CNTN1: variants seen among roughly 807,000 people sequenced by gnomAD.
CNTN1 encodes contactin-1.
Under a neutral mutation model 126.4 loss-of-function variants are expected in CNTN1, and 38 were observed. The observed-to-expected ratio is 0.30, with a 90% confidence interval of 0.23 to 0.39. The LOEUF is 0.39. Ranked by LOEUF, CNTN1 falls within the 10% of genes least tolerant of loss-of-function variation. The pLI is 1.00. For synonymous variants in CNTN1, 413 were observed against 422.6 expected, an observed-to-expected ratio of 0.98 and a Z score of 0.28; for missense variants, 1,009 against 1,248.4, an observed-to-expected ratio of 0.81 and a Z score of 2.89.
chr12:40,804,284 A>G (rs997368493), intron 1 of CNTN1, among the ~76,000 whole-genome samples: 10 of 152,126 alleles, frequency 6.6e-5, no homozygotes, highest in African/African-American at 9.6e-5. Context: ...AAATGTTAAT[A>G]AAATTCAAAA....
intron 23 of CNTN1, among the ~76,000 whole-genome samples, chr12:41,032,398 AG>A (rs202002514): frequency 7.6e-6 from 1 of 132,182 alleles, no homozygotes; most frequent in Non-Finnish European, 1.7e-5. Flanking sequence ...AAGAAAAAAA[AG>A]AAAGAAAGAT....
At chr12:40,749,978 A>G (rs888760329) in intron 1 of CNTN1, among the ~76,000 whole-genome samples, 7 of 152,084 alleles carry the variant, frequency 4.6e-5, no homozygotes, top group African/African-American at 1.7e-4. Flanking sequence ...TAGTCCCTAT[A>G]AGATGAGAAC....
chr12:40,735,427 C>T (rs1596511), intron 1 of CNTN1, among the ~76,000 whole-genome samples: 62,296 of 151,968 alleles, frequency 0.41, 13,257 homozygotes, highest in South Asian at 0.52. Flanking sequence ...GTCGTTCCCA[C>T]GGAAAAATCA....
intron 1 of CNTN1, among the ~76,000 whole-genome samples, chr12:40,720,376 A>C (rs1592009272): frequency 6.6e-6 from 1 of 151,242 alleles, no homozygotes; most frequent in Non-Finnish European, 1.5e-5. Context: ...TACTATAGCT[A>C]GATCACAGGA....
At chr12:40,816,629 G>A (rs35216972) in intron 1 of CNTN1, among the ~76,000 whole-genome samples, 5,143 of 150,538 alleles carry the variant, frequency 0.034, 119 homozygotes, top group Middle Eastern at 0.11. Flanking sequence ...AGGGTTTTTC[G>A]TGTCTCTGTT....
At chr12:40,733,132 C>T (rs1942540133) in intron 1 of CNTN1, among the ~76,000 whole-genome samples, 1 of 151,946 alleles carries the variant, frequency 6.6e-6, no homozygotes, top group South Asian at 2.1e-4. Flanking sequence ...TTTATAAACA[C>T]AGTAAGTAGA....
At chr12:40,995,153 A>G (rs1948182257) in intron 17 of CNTN1, among the ~76,000 whole-genome samples, 1 of 152,124 alleles carries the variant, frequency 6.6e-6, no homozygotes. Context: ...CTAATAAATT[A>G]CATTAAATTA....
At chr12:40,758,451 T>C (rs1223741464) in intron 1 of CNTN1, among the ~76,000 whole-genome samples, 1 of 152,080 alleles carries the variant, frequency 6.6e-6, no homozygotes, top group African/African-American at 2.4e-5. Context: ...GAGACAATAA[T>C]TGCAAAGGTT....
intron 15 of CNTN1, among the ~76,000 whole-genome samples, chr12:40,970,059 A>C (rs769284966): frequency 6.6e-6 from 1 of 152,124 alleles, no homozygotes; most frequent in Non-Finnish European, 1.5e-5. Context: ...TCGAGAAGAA[A>C]GGAACTGTTA....
At chr12:40,894,963 T>C (rs1398584863) in intron 1 of CNTN1, among the ~76,000 whole-genome samples, 2 of 152,176 alleles carry the variant, frequency 1.3e-5, no homozygotes, top group South Asian at 2.1e-4. Flanking sequence ...GAAAGAACAT[T>C]ATAGAATGAT....
intron 1 of CNTN1, among the ~76,000 whole-genome samples, chr12:40,761,052 G>A (rs1176528169): frequency 1.3e-5 from 2 of 152,108 alleles, no homozygotes; most frequent in East Asian, 3.9e-4. Context: ...ATAATCTTCA[G>A]AGAAGATTAT....
At chr12:41,066,468 G>A (rs968055702) in intron 23 of CNTN1, among the ~76,000 whole-genome samples, 8 of 152,102 alleles carry the variant, frequency 5.3e-5, no homozygotes, top group Non-Finnish European at 1.2e-4. Context: ...TATAGGTTGA[G>A]TACTTTCTAT....
At chr12:40,892,900 C>A (rs1944289793) in intron 1 of CNTN1, among the ~76,000 whole-genome samples, 1 of 143,782 alleles carries the variant, frequency 7.0e-6, no homozygotes, top group South Asian at 2.1e-4. Flanking sequence ...CAAATTCTTC[C>A]CCGAAATTCA....
chr12:40,724,301 C>T (rs758151159), intron 1 of CNTN1, among the ~76,000 whole-genome samples: 4 of 152,144 alleles, frequency 2.6e-5, no homozygotes, highest in Admixed American at 1.3e-4. Context: ...AAAGAGAGGG[C>T]ACCACTGCAA....
intron 1 of CNTN1, among the ~76,000 whole-genome samples, chr12:40,716,153 G>A (rs1942040427): frequency 6.6e-6 from 1 of 151,724 alleles, no homozygotes; most frequent in South Asian, 2.1e-4. Context: ...TCCATGGCAA[G>A]AGATTGTTAA....
chr12:40,949,859 A>G (rs1044643680), intron 14 of CNTN1, among the ~76,000 whole-genome samples: 2 of 151,846 alleles, frequency 1.3e-5, no homozygotes, highest in Non-Finnish European at 2.9e-5. Context: ...TACAGGCATG[A>G]GCCACCGCAC....
intron 1 of CNTN1, among the ~76,000 whole-genome samples, chr12:40,762,151 C>A (rs1783310592): frequency 6.6e-6 from 1 of 152,150 alleles, no homozygotes; most frequent in African/African-American, 2.4e-5. Context: ...ACTTTATTTT[C>A]TTTCAAAGGA....
At chr12:40,820,693 T>A (rs1029299578) in intron 1 of CNTN1, among the ~76,000 whole-genome samples, 1 of 152,116 alleles carries the variant, frequency 6.6e-6, no homozygotes, top group African/African-American at 2.4e-5. Flanking sequence ...TGGCTCTTGG[T>A]GACCTCAGTG....
rs574578062 is a variant in CNTN1, at chr12:40,868,070, A to T, written c.-76-40287A>T. ...TTTGCTTTGAGAAGTTAAAAGTGTT[A>T]TTGAGTCCCAACTTACTAAGATCTT... On this transcript the variant is annotated intron_variant, in intron 1 of 23. Coordinates refer to ENST00000551295, the MANE Select transcript of CNTN1 (RefSeq NM_001843.4). Among the ~76,000 whole-genome samples, 7 of 152,010 alleles carry T rather than the reference A, an allele frequency of 4.6e-5. No individual in the cohort carries two copies. The South Asian group carries it at 1.5e-3, about 31-fold the overall frequency.
Sources: allele counts gnomAD v4.1 joint callset (sites outside exome capture counted in the v4.1 genomes callset), GRCh38; gene constraint gnomAD v4.1.1; transcripts MANE v1.5; gene names NCBI Gene and HGNC (gene_info 2026-07-23, HGNC 2026-07-21).